Variants in NRG3 observed in about 807,000 individuals in gnomAD.
NRG3 encodes the protein neuregulin 3.
In NRG3, 31 loss-of-function variants were observed where a neutral mutation model predicts 66.9. The ratio of observed to expected loss-of-function variants is 0.46; its 90% confidence interval spans 0.35 to 0.63. The LOEUF (loss-of-function observed/expected upper bound fraction) is 0.63. NRG3 is among the 20% of genes least tolerant of loss of function. The probability of loss-of-function intolerance (pLI) is 0.00; values close to 1 mark genes in which losing one functional copy is unlikely to be tolerated. For missense variants in NRG3, 910 were observed against 878.9 expected, an observed-to-expected ratio of 1.04 and a Z score of -0.45; for synonymous variants, 393 against 359.4, an observed-to-expected ratio of 1.09 and a Z score of -1.06.
At chr10:82,530,591 G>A (rs1847151086) in intron 2 of NRG3, among the ~76,000 whole-genome samples, 6 of 151,848 alleles carry the variant, frequency 4.0e-5, no homozygotes, top group Admixed American at 3.3e-4. Flanking sequence ...ACCAAACTCA[G>A]TTGGGAAATT....
intron 1 of NRG3, among the ~76,000 whole-genome samples, chr10:82,125,105 AAG>A (rs1283834019): frequency 2.0e-5 from 3 of 152,024 alleles, no homozygotes; most frequent in Non-Finnish European, 4.4e-5. Context: ...ACAAAGATGA[AAG>A]AAATATTACC....
At chr10:82,198,672 G>A (rs1054423435) in intron 1 of NRG3, among the ~76,000 whole-genome samples, 2 of 151,964 alleles carry the variant, frequency 1.3e-5, no homozygotes, top group Non-Finnish European at 2.9e-5. Flanking sequence ...ACATCAGTTC[G>A]TGCAAGGCTA....
At chr10:82,233,668 C>T (rs1379092190) in intron 1 of NRG3, among the ~76,000 whole-genome samples, 1 of 152,082 alleles carries the variant, frequency 6.6e-6, no homozygotes, top group African/African-American at 2.4e-5. Flanking sequence ...AAACATACCT[C>T]TTGGTTCTCC....
chr10:81,952,742 T>A (rs934874975), intron 1 of NRG3, among the ~76,000 whole-genome samples: 2 of 152,112 alleles, frequency 1.3e-5, no homozygotes, highest in African/African-American at 4.8e-5. Flanking sequence ...TACTTGGGAC[T>A]AAAGGTGTGC....
chr10:82,754,963 T>A (rs771724824), intron 3 of NRG3, among the ~76,000 whole-genome samples: 8 of 152,126 alleles, frequency 5.3e-5, no homozygotes, highest in Non-Finnish European at 8.8e-5. Context: ...AAGATCTAGA[T>A]AAATCAGCAA....
chr10:82,255,363 GA>G (rs768907592), intron 1 of NRG3, among the ~76,000 whole-genome samples: 5 of 152,188 alleles, frequency 3.3e-5, no homozygotes, highest in Non-Finnish European at 7.3e-5. Context: ...TCCTGGAACA[GA>G]AAAGGACATG....
At chr10:82,188,186 A>G (rs2073923373) in intron 1 of NRG3, among the ~76,000 whole-genome samples, 1 of 152,152 alleles carries the variant, frequency 6.6e-6, no homozygotes, top group Non-Finnish European at 1.5e-5. Flanking sequence ...ATTTTTAACA[A>G]AGGTACCAAG....
chr10:82,430,740 C>T (rs886704262), intron 2 of NRG3, among the ~76,000 whole-genome samples: 5 of 152,156 alleles, frequency 3.3e-5, no homozygotes, highest in Non-Finnish European at 7.4e-5. Flanking sequence ...TGAGTAACTA[C>T]TAAAGTATTT....
chr10:82,937,884 G>C (rs1272888286), intron 4 of NRG3, among the ~76,000 whole-genome samples: 1 of 152,142 alleles, frequency 6.6e-6, no homozygotes, highest in Non-Finnish European at 1.5e-5. Context: ...GGTAAAATCA[G>C]CACAGTTGAA....
At chr10:82,388,793 T>C (rs1287266770) in intron 2 of NRG3, among the ~76,000 whole-genome samples, 2 of 152,208 alleles carry the variant, frequency 1.3e-5, no homozygotes, top group African/African-American at 4.8e-5. Context: ...TAACATTGAT[T>C]CAGCTTGGGC....
chr10:82,583,289 A>G (rs2046470461), intron 2 of NRG3, among the ~76,000 whole-genome samples: 1 of 152,168 alleles, frequency 6.6e-6, no homozygotes, highest in Non-Finnish European at 1.5e-5. Context: ...CTCTTGCTCT[A>G]TTAAAAAAAT....
At position 82,674,923 on chromosome 10, in the gene NRG3, AGG is replaced by A. The variant is rs370941017; in HGVS notation, c.954-63650_954-63649del. On this transcript the variant is annotated intron_variant, in intron 2 of 8. Transcript: ENST00000372141. Reference sequence around the variant, plus strand: ...TTATCTCCTCAAAGGCTTCTAGATTAGGGGGTTTTATTTATATTTATTTATTT... The same window carrying A: ...TTATCTCCTCAAAGGCTTCTAGATTAGGGTTTTATTTATATTTATTTATTT... 3.1e-3 allele frequency among the ~76,000 whole-genome samples: 463 copies of A among 148,348 alleles called. 1 individual carries two copies. The highest frequency in any genetic ancestry group is 0.011 in the African/African-American group (443 of 38,860).
chr10:82,338,926 AAC>A (rs1375753446), intron 1 of NRG3, among the ~76,000 whole-genome samples: 1 of 152,192 alleles, frequency 6.6e-6, no homozygotes, highest in Non-Finnish European at 1.5e-5. Context: ...CTGGGGCTAA[AAC>A]ACAGAGTCCC....
intron 1 of NRG3, among the ~76,000 whole-genome samples, chr10:81,892,214 G>T (rs1843072924): frequency 6.6e-6 from 1 of 151,912 alleles, no homozygotes; most frequent in Non-Finnish European, 1.5e-5. Context: ...AAGTGTGTGT[G>T]TCTCTTTGTG....
chr10:82,232,295 G>C (rs959523958), intron 1 of NRG3: 1 of 154,966 alleles, frequency 6.5e-6, no homozygotes, highest in Non-Finnish European at 1.4e-5. Flanking sequence ...GTCTTATGAT[G>C]CAAGAATCCA....
intron 1 of NRG3, among the ~76,000 whole-genome samples, chr10:82,348,101 C>T (rs1422783685): frequency 6.6e-6 from 1 of 150,676 alleles, no homozygotes; most frequent in African/African-American, 2.5e-5. Context: ...TGAATTTGAT[C>T]CTGTCATTAT....
chr10:82,762,004 C>CTCTT (rs1040816094), intron 3 of NRG3, among the ~76,000 whole-genome samples: 13 of 104,694 alleles, frequency 1.2e-4, no homozygotes, highest in Admixed American at 2.2e-4. Context: ...TTTCCTTTCT[C>CTCTT]TCTTTCTTTC....
intron 1 of NRG3, among the ~76,000 whole-genome samples, chr10:82,177,719 G>A (rs571213285): frequency 3.9e-5 from 6 of 152,230 alleles, no homozygotes; most frequent in East Asian, 3.9e-4. Context: ...GACCACAGGC[G>A]TGCGCCACCA....
chr10:82,593,341 A>G (rs1370133005), intron 2 of NRG3, among the ~76,000 whole-genome samples: 5 of 152,224 alleles, frequency 3.3e-5, no homozygotes, highest in Admixed American at 2.0e-4. Context: ...AAAAGGCTGC[A>G]GTTAATACCA....
Sources: gnomAD v4.1 joint callset for allele counts (sites outside exome capture counted in the v4.1 genomes callset) on GRCh38, gnomAD v4.1.1 for gene constraint, MANE v1.5 for transcripts, NCBI Gene and HGNC (gene_info 2026-07-23, HGNC 2026-07-21) for gene names.